PDE1A: variants seen among roughly 807,000 people sequenced by gnomAD.
PDE1A encodes phosphodiesterase 1A.
PDE1A carries 35 observed loss-of-function variants against 61.7 expected under a neutral mutation model. That is an observed-to-expected ratio of 0.57 (90% CI 0.43 to 0.75). The LOEUF (loss-of-function observed/expected upper bound fraction) is 0.75, where lower values mean the gene tolerates loss of function less well. PDE1A is among the 30% of genes least tolerant of loss of function. The pLI is 0.00. For missense variants in PDE1A, 597 were observed against 630.6 expected (o/e 0.95, Z 0.57); for synonymous variants, 232 against 213.2 (o/e 1.09, Z -0.77).
intron 1 of PDE1A, among the ~76,000 whole-genome samples, chr2:182,283,416 C>A (rs1693947898): frequency 6.7e-6 from 1 of 149,256 alleles, no homozygotes; most frequent in South Asian, 2.1e-4. Context: ...CACACACACA[C>A]ACATACACAC....
chr2:182,524,744 A>T (rs1215776728), upstream of PDE1A, among the ~76,000 whole-genome samples: 1 of 152,078 alleles, frequency 6.6e-6, no homozygotes, highest in Non-Finnish European at 1.5e-5. Context: ...TTACAAAAAA[A>T]TTCAATATAA....
intron 1 of PDE1A, among the ~76,000 whole-genome samples, chr2:182,363,556 G>T (rs1699638984): frequency 6.6e-6 from 1 of 151,976 alleles, no homozygotes; most frequent in African/African-American, 2.4e-5. Flanking sequence ...GGATGTCTGG[G>T]AAAAGTGTGT....
intron 7 of PDE1A, among the ~76,000 whole-genome samples, chr2:182,220,200 A>G (rs1055385698): frequency 6.6e-6 from 1 of 152,120 alleles, no homozygotes; most frequent in Admixed American, 6.6e-5. Context: ...ATCATACCTC[A>G]ATATACAGAA....
intron 1 of PDE1A, among the ~76,000 whole-genome samples, chr2:182,396,573 T>A (rs2125420022): frequency 6.6e-6 from 1 of 152,366 alleles, no homozygotes; most frequent in Admixed American, 6.5e-5. Context: ...TGTTCATGCA[T>A]ATATACACTT....
intron 1 of PDE1A, among the ~76,000 whole-genome samples, chr2:182,327,800 G>C (rs1234335023): frequency 6.6e-6 from 1 of 152,228 alleles, no homozygotes; most frequent in Non-Finnish European, 1.5e-5. Context: ...ATGATGAAGA[G>C]TGGGGAGAAA....
the PDE1A span, among the ~76,000 whole-genome samples, chr2:182,676,293 C>A: frequency 1.3e-5 from 2 of 152,068 alleles, no homozygotes; most frequent in Non-Finnish European, 2.9e-5. Flanking sequence ...CACCTCTACA[C>A]ACAAAAATTA....
intron 2 of PDE1A, among the ~76,000 whole-genome samples, chr2:182,436,720 C>CCCA (rs1006135898): frequency 1.3e-5 from 2 of 151,908 alleles, no homozygotes; most frequent in Non-Finnish European, 2.9e-5. Flanking sequence ...ACATAACACA[C>CCCA]CCAAAAGGTA....
At chr2:182,212,805 G>C (rs1029623905) in intron 7 of PDE1A, among the ~76,000 whole-genome samples, 25 of 152,356 alleles carry the variant, frequency 1.6e-4, no homozygotes, top group Non-Finnish European at 3.4e-4. Flanking sequence ...ACAGCAGTCT[G>C]AGATCAAACT....
At chr2:182,476,815 A>G (rs970824664) in intron 2 of PDE1A, among the ~76,000 whole-genome samples, 1 of 151,804 alleles carries the variant, frequency 6.6e-6, no homozygotes, top group Non-Finnish European at 1.5e-5. Flanking sequence ...ATGAAAGAAT[A>G]AAAGACCAAT....
chr2:182,371,294 C>T (rs1043400565), intron 1 of PDE1A, among the ~76,000 whole-genome samples: 2 of 152,120 alleles, frequency 1.3e-5, no homozygotes, highest in African/African-American at 4.8e-5. Context: ...CAAGGCCCTG[C>T]CAAATTTTGT....
the PDE1A span, among the ~76,000 whole-genome samples, chr2:182,539,234 C>T: frequency 6.6e-6 from 1 of 152,036 alleles, no homozygotes; most frequent in Non-Finnish European, 1.5e-5. Flanking sequence ...TCCAAGTTAT[C>T]TGAATCAAAC....
chr2:182,632,357 AT>A, the PDE1A span, among the ~76,000 whole-genome samples: 1 of 152,196 alleles, frequency 6.6e-6, no homozygotes, highest in Admixed American at 6.6e-5. Context: ...TCTATGTAAG[AT>A]TTAGCATCCA....
chr2:182,530,609 G>C, the PDE1A span, among the ~76,000 whole-genome samples: 1 of 152,112 alleles, frequency 6.6e-6, no homozygotes, highest in Non-Finnish European at 1.5e-5. Flanking sequence ...AGGGCAGAAA[G>C]ATGTGGCACA....
At chr2:182,350,534 T>A (rs774871810) in intron 1 of PDE1A, among the ~76,000 whole-genome samples, 2 of 152,206 alleles carry the variant, frequency 1.3e-5, no homozygotes, top group Non-Finnish European at 2.9e-5. Context: ...AAGGCCCCTT[T>A]TTAAAAAGCA....
the PDE1A span, among the ~76,000 whole-genome samples, chr2:182,658,786 C>A: frequency 6.6e-6 from 1 of 152,134 alleles, no homozygotes; most frequent in East Asian, 1.9e-4. Context: ...AGTTCAAGGG[C>A]AAAATTCTTT....
At chr2:182,404,936 C>T (rs1254009044) in intron 1 of PDE1A, among the ~76,000 whole-genome samples, 3 of 152,126 alleles carry the variant, frequency 2.0e-5, no homozygotes, top group East Asian at 3.8e-4. Context: ...CATAACAGTA[C>T]ATATACCAGT....
the PDE1A span, among the ~76,000 whole-genome samples, chr2:182,657,959 A>T: frequency 1.3e-5 from 2 of 149,248 alleles, no homozygotes; most frequent in African/African-American, 2.5e-5. Context: ...AATGGGAATA[A>T]TATCTACCCT....
At chr2:182,186,005 C>T (rs1468662903) in exon 13 of PDE1A, 5 of 1,613,924 alleles carry the variant, frequency 3.1e-6, no homozygotes, top group East Asian at 2.2e-5. Context: ...GGAATAGGAC[C>T]CATCACTCAT....
upstream of PDE1A, among the ~76,000 whole-genome samples, chr2:182,427,717 T>C (rs1703703123): frequency 6.6e-6 from 1 of 152,162 alleles, no homozygotes; most frequent in African/African-American, 2.4e-5. Context: ...TTATTCTAGC[T>C]CCAGATAAAG....
Sources: allele counts gnomAD v4.1 joint callset (sites outside exome capture counted in the v4.1 genomes callset), GRCh38; gene constraint gnomAD v4.1.1; transcripts MANE v1.5; gene names NCBI Gene and HGNC (gene_info 2026-07-23, HGNC 2026-07-21).